TRIM40: variants seen among roughly 807,000 people sequenced by gnomAD.
TRIM40 encodes E3 ubiquitin ligase TRIM40.
TRIM40 carries 27 observed loss-of-function variants against 26.1 expected under a neutral mutation model. The ratio of observed to expected loss-of-function variants is 1.04; its 90% confidence interval spans 0.76 to 1.43. TRIM40 has a LOEUF of 1.43. Among genes scored for constraint, TRIM40 ranks in the 40% most tolerant of loss-of-function variants. TRIM40 has a pLI of 0.00. For missense variants in TRIM40, 289 were observed against 307.9 expected, an observed-to-expected ratio of 0.94 and a Z score of 0.46; for synonymous variants, 114 against 120.0, an observed-to-expected ratio of 0.95 and a Z score of 0.33.
At position 30,148,005 on chromosome 6, in the gene TRIM40, G is replaced by C. The variant is rs1327085245; in HGVS notation, c.*193G>C. On this transcript the variant is annotated 3_prime_UTR_variant, in exon 6 of 6. Transcript: ENST00000396581. ...CCCTCTGACTCTTGGACGATAGCCA[G>C]CCTCCTTCCAGGACAGGCTCATGCT... 1.7e-6 allele frequency: 1 copy of C among 605,792 alleles called. No individual in the cohort carries two copies. The highest frequency in any genetic ancestry group is 1.9e-5 in the African/African-American group (1 of 53,990). 37.5% of individuals were successfully genotyped at this position (605,792 alleles called of 1,614,324 possible). A position where few individuals can be genotyped will look rare whatever the true frequency, so the allele number is the denominator to read the frequency against.
chr6:30,142,395 AT>A (rs1260455089), intron 2 of TRIM40, among the ~76,000 whole-genome samples: 1 of 152,206 alleles, frequency 6.6e-6, no homozygotes, highest in African/African-American at 2.4e-5. Flanking sequence ...TGAGGCTTTT[AT>A]CCATGAAGAC....
chr6:30,145,952 C>G (rs758445687), intron 2 of TRIM40, 42 bp from the exon 3 acceptor site: 2 of 1,552,376 alleles, frequency 1.3e-6, no homozygotes, highest in South Asian at 1.1e-5. Context: ...TGGGTGCCCC[C>G]CTCACTCCCA....
chr6:30,140,409 C>A (rs1284617402), intron 2 of TRIM40, among the ~76,000 whole-genome samples: 1 of 152,126 alleles, frequency 6.6e-6, no homozygotes, highest in African/African-American at 2.4e-5. Flanking sequence ...GATGAGTTCA[C>A]GTCCTTTACA....
chr6:30,143,994 C>T (rs1045557778), intron 2 of TRIM40, among the ~76,000 whole-genome samples: 3 of 152,016 alleles, frequency 2.0e-5, no homozygotes, highest in South Asian at 2.1e-4. Flanking sequence ...CTGACTTTGA[C>T]AGGCAGAAAA....
chr6:30,147,609 G>A, intron 5 of TRIM40, 67 bp downstream of exon 5: 4 of 1,613,286 alleles, frequency 2.5e-6, no homozygotes. Context: ...CATGCACAGA[G>A]GTCAAGGAGA....
Position 30,147,147 on chromosome 6 carries a change from C to G in TRIM40, c.604C>G (p.Leu202Val), listed in dbSNP as rs1192269856. 6.2e-7 allele frequency: 1 copy of G among 1,614,114 alleles called. No individual in the cohort carries two copies. Among genetic ancestry groups the G allele is most frequent in the Non-Finnish European group, 8.5e-7 (1 of 1,180,054 alleles). Residue 202 changes from leucine (L) to valine (V), a missense_variant, in exon 4 of 6, where the codon CTC (leucine) becomes GTC (valine). Coordinates refer to ENST00000396581, the MANE Select transcript of TRIM40 (RefSeq NM_001286633.2). ...TGACATCTCCAGGGCAGTAACACAG[C>G]TCAGAAGCCTGGTCATTGATCTGGA... ...ILDISRAVTQ[L>V]RSLVIDLERT...
Position 30,146,006 on chromosome 6 carries a change from C to T in TRIM40, c.358C>T (p.Arg120Cys), listed in dbSNP as rs1410035990. The T allele has an allele frequency of 5.0e-6, 8 of 1,612,888 alleles. No individual in the cohort carries two copies. The highest frequency in any genetic ancestry group is 2.7e-5 in the African/African-American group (2 of 74,914). Residue 120 changes from arginine (R) to cysteine (C), a missense_variant, in exon 3 of 6, where the codon CGC becomes TGC. Arg to Cys is a radical substitution (Grantham distance 180). Transcript: ENST00000396581. Reference protein sequence around the residue: ...ALSHYKERLNRRSRKLRKDIA... With the variant: ...ALSHYKERLNCRSRKLRKDIA... The stretch of plus-strand genomic sequence containing the variant: ...TCTGTCTCTTTAGGAACGACTCAAT[C>T]GCCGGAGCAGGAAGCTCAGAAAGGA...
Position 30,148,073 on chromosome 6 carries a change from G to T in TRIM40, c.*261G>T. 1 of 556,962 alleles carries T rather than the reference G, an allele frequency of 1.8e-6. No homozygotes were observed. Among genetic ancestry groups the T allele is most frequent in the South Asian group, 2.5e-5 (1 of 39,946 alleles). The allele number at this position is 556,962 out of a possible 1,614,324, so 34.5% of individuals were successfully genotyped here. A position where few individuals can be genotyped will look rare whatever the true frequency, so the allele number is the denominator to read the frequency against. On this transcript the variant is annotated 3_prime_UTR_variant, in exon 6 of 6. Coordinates refer to ENST00000396581, the MANE Select transcript of TRIM40 (RefSeq NM_001286633.2). ...AGGTCGGGGCCCATGGTCTCCAGGA[G>T]CATTTGTGAAATCTCCATTTTGCCT...
intron 2 of TRIM40, 71 bp downstream of exon 2, chr6:30,137,452 T>C (rs2127419468): frequency 3.0e-6 from 4 of 1,344,814 alleles, no homozygotes; most frequent in East Asian, 2.3e-5. Context: ...ATGTTCATCA[T>C]GCCTGGCACC....
chr6:30,147,499 C>T (rs934485940), intron 4 of TRIM40, 21 bp from the exon 5 acceptor site: 2 of 1,613,802 alleles, frequency 1.2e-6, no homozygotes, highest in African/African-American at 1.3e-5. Context: ...AATTATGATT[C>T]TCACTTTTTC....
chr6:30,136,713 G>T lies in TRIM40; in HGVS notation c.-304-20G>T. 2.7e-6 allele frequency: 1 copy of T among 369,506 alleles called. No homozygotes were observed. The allele number at this position is 369,506 out of a possible 1,614,324, so 22.9% of individuals were successfully genotyped here. On this transcript the variant is annotated intron_variant, in intron 1 of 5. Transcript: ENST00000396581. Reference sequence around the variant, plus strand: ...CAAGAGGAAAACAGAATTGGTTATTGAATCACTTGCTTCCTCTAGGTGTAT... The same window carrying T: ...CAAGAGGAAAACAGAATTGGTTATTTAATCACTTGCTTCCTCTAGGTGTAT...
At chr6:30,146,161 A>G in intron 3 of TRIM40, 72 bp downstream of exon 3, 1 of 1,278,242 alleles carries the variant, frequency 7.8e-7, no homozygotes, top group East Asian at 2.5e-5. Flanking sequence ...TATTCTGGAC[A>G]TCTGTCTGTC....
At chr6:30,144,275 C>T (rs1771519902) in intron 2 of TRIM40, among the ~76,000 whole-genome samples, 1 of 152,058 alleles carries the variant, frequency 6.6e-6, no homozygotes, top group African/African-American at 2.4e-5. Flanking sequence ...AGCTGAATGG[C>T]AGGCAGAATG....
intron 2 of TRIM40, among the ~76,000 whole-genome samples, chr6:30,139,526 A>G (rs1480397812): frequency 6.6e-6 from 1 of 152,006 alleles, no homozygotes; most frequent in African/African-American, 2.4e-5. Context: ...TATTTTTAGT[A>G]GAAACAGGGT....
rs1038011518 is a variant in TRIM40, at chr6:30,137,347, A to G, written c.311A>G (p.Glu104Gly). The stretch of plus-strand genomic sequence containing the variant: ...TCCCCTGAACACATGTCTCATCATG[A>G]ACTGACCATTGAAAATGCCCTCAGC... Reference protein sequence around the residue: ...LVSPEHMSHHELTIENALSHY... With the variant: ...LVSPEHMSHHGLTIENALSHY... The change falls in exon 2 of 6, where the codon GAA becomes GGA. Residue 104 changes from glutamate (E) to glycine (G), a missense_variant. Physicochemically the swap from Glu to Gly is moderately conservative, Grantham distance 98. Coordinates refer to ENST00000396581, the MANE Select transcript of TRIM40 (RefSeq NM_001286633.2). 2.5e-6 allele frequency: 4 copies of G among 1,612,850 alleles called. No homozygotes were observed. The highest frequency in any genetic ancestry group is 3.4e-6 in the Non-Finnish European group (4 of 1,179,992).
At chr6:30,146,292 C>T (rs1461814159) in intron 3 of TRIM40, among the ~76,000 whole-genome samples, 1 of 152,230 alleles carries the variant, frequency 6.6e-6, no homozygotes, top group Non-Finnish European at 1.5e-5. Flanking sequence ...CTTTATGTGA[C>T]TTACATGTTA....
At chr6:30,144,098 T>G (rs142077863) in intron 2 of TRIM40, among the ~76,000 whole-genome samples, 114 of 143,862 alleles carry the variant, frequency 7.9e-4, no homozygotes, top group African/African-American at 2.7e-3. Context: ...TGTGTGCTGG[T>G]GAAGAGAGTT....
intron 2 of TRIM40, 42 bp downstream of exon 2, chr6:30,137,423 CT>C: frequency 2.6e-6 from 4 of 1,537,014 alleles, no homozygotes; most frequent in Non-Finnish European, 3.6e-6. Context: ...CTCCACCTCG[CT>C]GAGGTGCTGC....
At chr6:30,140,264 T>G (rs530509385) in intron 2 of TRIM40, among the ~76,000 whole-genome samples, 1 of 152,276 alleles carries the variant, frequency 6.6e-6, no homozygotes, top group South Asian at 2.1e-4. Context: ...TAAAGACACA[T>G]GCACACGTAT....
Sources: gnomAD v4.1 joint callset for allele counts (sites outside exome capture counted in the v4.1 genomes callset) on GRCh38, gnomAD v4.1.1 for gene constraint, MANE v1.5 for transcripts, NCBI Gene and HGNC (gene_info 2026-07-23, HGNC 2026-07-21) for gene names.